Variants in LCORL observed in about 807,000 individuals in gnomAD.
The protein encoded by LCORL is ligand dependent nuclear receptor corepressor like.
A neutral mutation model predicts 141.8 loss-of-function variants in LCORL; 41 were observed. The observed-to-expected ratio is 0.29, with a 90% confidence interval of 0.23 to 0.38. The LOEUF is 0.38. Ranked by LOEUF, LCORL falls within the 10% of genes least tolerant of loss-of-function variation. The probability of loss-of-function intolerance (pLI) is 1.00; values close to 1 mark genes in which losing one functional copy is unlikely to be tolerated. For synonymous variants in LCORL, 618 were observed against 694.1 expected (o/e 0.89, Z 1.72); for missense variants, 1,759 against 2,035.0 (o/e 0.86, Z 2.61).
chr4:17,919,905 AT>A (rs1294025966), intron 4 of LCORL, among the ~76,000 whole-genome samples: 1 of 152,232 alleles, frequency 6.6e-6, no homozygotes, highest in Non-Finnish European at 1.5e-5. Context: ...TGAAGCTTCC[AT>A]AAAAACCCAA....
chr4:17,845,534 C>A, exon 8 of LCORL: 3 of 423,294 alleles, frequency 7.1e-6, no homozygotes, highest in South Asian at 7.2e-5. Context: ...TACAAAATTC[C>A]ACAATGATCT....
At chr4:17,981,924 A>C (rs1718059263) in intron 1 of LCORL, among the ~76,000 whole-genome samples, 1 of 151,970 alleles carries the variant, frequency 6.6e-6, no homozygotes, top group Admixed American at 6.6e-5. Context: ...GCAGGTCCCA[A>C]TGTCTGTTGC....
intron 4 of LCORL, among the ~76,000 whole-genome samples, chr4:17,929,903 T>C (rs1735729147): frequency 6.6e-6 from 1 of 152,106 alleles, no homozygotes; most frequent in Non-Finnish European, 1.5e-5. Context: ...ACTCCTACAA[T>C]TCAATAATAA....
chr4:17,898,050 T>C (rs1197368827), intron 5 of LCORL, among the ~76,000 whole-genome samples: 6 of 151,512 alleles, frequency 4.0e-5, no homozygotes, highest in Non-Finnish European at 8.8e-5. Context: ...TTGATGTTGC[T>C]TGTTTTTTCT....
At chr4:17,878,109 A>G in exon 7 of LCORL, 1 of 1,230,520 alleles carries the variant, frequency 8.1e-7, no homozygotes, top group Non-Finnish European at 1.0e-6. Flanking sequence ...CATAGCCAAA[A>G]CTTGTTGCTG....
At position 17,884,463 on chromosome 4, in the gene LCORL, G is replaced by C; in HGVS notation, c.776+1605C>G. On this transcript the variant is annotated intron_variant, in intron 6 of 7. Coordinates refer to ENST00000635767, the Ensembl canonical transcript of LCORL. The surrounding 1 kb of genome is among the most constrained non-coding windows in gnomAD (Gnocchi z 4.4). ...TTACTTTTTTCTGTGCGCTCTGCTTGAGCTCTTGCCCACAAGGCTACTTTT... is the reference window on the plus strand; with the variant it reads ...TTACTTTTTTCTGTGCGCTCTGCTTCAGCTCTTGCCCACAAGGCTACTTTT... 1 of 1,549,816 alleles carries C rather than the reference G, an allele frequency of 6.5e-7. No homozygotes were observed. Among genetic ancestry groups the C allele is most frequent in the Non-Finnish European group, 8.7e-7 (1 of 1,146,144 alleles).
chr4:18,008,615 T>C (rs542939953), intron 1 of LCORL, among the ~76,000 whole-genome samples: 2 of 152,298 alleles, frequency 1.3e-5, no homozygotes, highest in South Asian at 4.1e-4. Flanking sequence ...ATTTTCTCAT[T>C]TGTAAAATGA....
chr4:17,906,583 T>A (rs921855971), intron 5 of LCORL, among the ~76,000 whole-genome samples: 10 of 152,222 alleles, frequency 6.6e-5, no homozygotes, highest in African/African-American at 2.4e-4. Context: ...ATTACAATAA[T>A]TTAAATAATT....
intron 1 of LCORL, among the ~76,000 whole-genome samples, chr4:18,004,348 T>C (rs1171059046): frequency 6.6e-6 from 1 of 152,204 alleles, no homozygotes; most frequent in African/African-American, 2.4e-5. Context: ...TTATCAGACT[T>C]ACAGTTCCAT....
chr4:17,846,555 C>G (rs962588090), intron 7 of LCORL, among the ~76,000 whole-genome samples: 1 of 152,116 alleles, frequency 6.6e-6, no homozygotes, highest in African/African-American at 2.4e-5. Flanking sequence ...GCGGCATCCA[C>G]AGGATACTCT....
intron 1 of LCORL, among the ~76,000 whole-genome samples, chr4:17,982,992 G>A (rs1718291442): frequency 6.6e-6 from 1 of 152,200 alleles, no homozygotes; most frequent in African/African-American, 2.4e-5. Context: ...TGACTAGCCA[G>A]TTATCCCAGC....
At chr4:17,883,363 T>C (rs16895971) in intron 6 of LCORL, 142,490 of 1,020,714 alleles carry the variant, frequency 0.14, 10,668 homozygotes, top group South Asian at 0.28. Flanking sequence ...GGAATGGTCT[T>C]TCACCAATAA....
chr4:17,908,805 A>G (rs1364698592), intron 5 of LCORL, among the ~76,000 whole-genome samples: 1 of 152,152 alleles, frequency 6.6e-6, no homozygotes, highest in African/African-American at 2.4e-5. Context: ...ATTATTTCTT[A>G]TAAAAATCTA....
At chr4:17,891,591 A>G (rs1239556706) in intron 5 of LCORL, among the ~76,000 whole-genome samples, 1 of 152,212 alleles carries the variant, frequency 6.6e-6, no homozygotes, top group Non-Finnish European at 1.5e-5. Flanking sequence ...GCATTAATAA[A>G]GCATGAAAAA....
chr4:17,911,964 C>G (rs1002178701), intron 4 of LCORL: 185 of 607,662 alleles, frequency 3.0e-4, no homozygotes, highest in Non-Finnish European at 6.0e-5. Flanking sequence ...GCCTGAATGA[C>G]TGCTTGGCCT....
intron 1 of LCORL, among the ~76,000 whole-genome samples, chr4:17,986,044 T>C (rs1029324451): frequency 1.3e-5 from 2 of 152,234 alleles, no homozygotes; most frequent in Non-Finnish European, 2.9e-5. Flanking sequence ...GATATAAAAA[T>C]CTTGGTTGAG....
chr4:17,960,741 C>G (rs1464771187), intron 4 of LCORL, among the ~76,000 whole-genome samples: 2 of 151,980 alleles, frequency 1.3e-5, no homozygotes, highest in African/African-American at 4.8e-5. Context: ...TAGGTACGTG[C>G]CACTGTACCT....
At chr4:17,874,586 G>T (rs1282325245) in exon 7 of LCORL, 3 of 1,233,560 alleles carry the variant, frequency 2.4e-6, no homozygotes, top group Non-Finnish European at 3.0e-6. Flanking sequence ...CATTTTCAAT[G>T]TGTTCTCTTT....
At chr4:17,987,955 T>C (rs1719295259) in intron 1 of LCORL, among the ~76,000 whole-genome samples, 1 of 152,214 alleles carries the variant, frequency 6.6e-6, no homozygotes, top group Non-Finnish European at 1.5e-5. Context: ...TACAGGATGA[T>C]ATGGTTTGGC....
Sources: gnomAD v4.1 joint callset for allele counts (sites outside exome capture counted in the v4.1 genomes callset) on GRCh38, gnomAD v4.1.1 for gene constraint, Gnocchi (gnomAD v3.1) non-coding constraint, MANE v1.5 for transcripts, NCBI Gene and HGNC (gene_info 2026-07-23, HGNC 2026-07-21) for gene names.